LRRN2: variants seen among roughly 807,000 people sequenced by gnomAD.
LRRN2 encodes leucine-rich repeat neuronal protein 2.
LRRN2 carries 10 observed loss-of-function variants against 35.7 expected under a neutral mutation model. The observed-to-expected ratio is 0.28, with a 90% CI of 0.17 to 0.47. The LOEUF (loss-of-function observed/expected upper bound fraction) is 0.47. LRRN2 is among the 20% of genes least tolerant of loss of function. The pLI, the probability that LRRN2 is intolerant of heterozygous loss-of-function variation, is 0.99. For synonymous variants in LRRN2, 391 were observed against 409.6 expected (o/e 0.95, Z 0.55); for missense variants, 731 against 940.3 (o/e 0.78, Z 2.91).
intron 1 of LRRN2, chr1:204,627,185 C>T (rs1417046554): frequency 1.3e-5 from 2 of 152,198 alleles, no homozygotes; most frequent in Admixed American, 6.5e-5. Flanking sequence ...GAGGGACATA[C>T]TTTTCAGATG....
At chr1:204,675,426 G>T (rs1668803653) in intron 1 of LRRN2, among the ~76,000 whole-genome samples, 1 of 152,196 alleles carries the variant, frequency 6.6e-6, no homozygotes, top group Non-Finnish European at 1.5e-5. Flanking sequence ...TCTTTCTGGA[G>T]GCTGGAGGAG....
At chr1:204,645,530 G>A (rs1461888546) in intron 1 of LRRN2, among the ~76,000 whole-genome samples, 1 of 152,162 alleles carries the variant, frequency 6.6e-6, no homozygotes, top group African/African-American at 2.4e-5. Flanking sequence ...ATGTGTGATT[G>A]CATGCGGAAT....
At position 204,641,598 on chromosome 1, in the gene LRRN2, GTATTA is replaced by G. The variant is rs537880380; in HGVS notation, c.-226-21385_-226-21381del. Among the ~76,000 whole-genome samples the G allele has an allele frequency of 2.4e-3, 366 of 152,324 alleles. 3 individuals carry two copies. The highest frequency in any genetic ancestry group is 8.1e-3 in the African/African-American group (338 of 41,568). On this transcript the variant is annotated intron_variant, in intron 1 of 1. Transcript: ENST00000367177. ...TCCACACAACAACCCTACGAGAGTA[GTATTA>G]TATTTACTGATGGTGAAATGGAGGC...
Position 204,660,318 on chromosome 1 carries a change from G to C in LRRN2, c.-227+25002C>G, listed in dbSNP as rs543997817. 3.3e-5 allele frequency among the ~76,000 whole-genome samples: 5 copies of C among 152,164 alleles called. No homozygotes were observed. The South Asian group carries it at 8.3e-4, about 25-fold the overall frequency. On this transcript the variant is annotated intron_variant, in intron 1 of 1. Coordinates refer to ENST00000367177, the MANE Select transcript of LRRN2 (RefSeq NM_201630.2). ...GTCTCCATCTCCCCTTGCCTTTTCT[G>C]TTGTCATCCCCATCATCTCACTTTC...
At chr1:204,647,301 T>C (rs1330803231) in intron 1 of LRRN2, among the ~76,000 whole-genome samples, 1 of 152,218 alleles carries the variant, frequency 6.6e-6, no homozygotes, top group Non-Finnish European at 1.5e-5. Context: ...AAAAGATGCA[T>C]TCCACAGTAT....
intron 1 of LRRN2, among the ~76,000 whole-genome samples, chr1:204,656,156 G>C (rs543153787): frequency 2.6e-5 from 4 of 151,718 alleles, no homozygotes; most frequent in African/African-American, 7.3e-5. Context: ...TGATCTGCCC[G>C]CCTCAGCCTC....
intron 1 of LRRN2, among the ~76,000 whole-genome samples, chr1:204,679,861 A>AC (rs760978943): frequency 1.3e-5 from 2 of 151,928 alleles, no homozygotes; most frequent in Non-Finnish European, 2.9e-5. Context: ...TAAATATCAC[A>AC]CCCTGCAGGA....
At chr1:204,628,195 G>C (rs1462975239) in intron 1 of LRRN2, 1 of 152,312 alleles carries the variant, frequency 6.6e-6, no homozygotes, top group African/African-American at 2.4e-5. Flanking sequence ...CTGGCCCCCA[G>C]GTGAAGAGAG....
Position 204,618,666 on chromosome 1 carries a change from G to A in LRRN2, c.1327C>T (p.Leu443=), listed in dbSNP as rs1206459201. 6.2e-7 allele frequency: 1 copy of A among 1,605,266 alleles called. No homozygotes were observed. Among genetic ancestry groups the A allele is most frequent in the African/African-American group, 1.3e-5 (1 of 74,890 alleles). Residue 443 remains leucine, a synonymous_variant, in exon 2 of 2, where the codon CTG becomes TTG. Transcript: ENST00000367177. ...LQVASGESMV[L]HCRALAEPEP... ...GGTTCGGCCAGTGCCCGGCAATGCA[G>A]CACCATGCTCTCTCCACTGGCTACC...
chr1:204,679,058 C>T (rs1558425039), intron 1 of LRRN2, among the ~76,000 whole-genome samples: 1 of 152,152 alleles, frequency 6.6e-6, no homozygotes, highest in South Asian at 2.1e-4. Context: ...TGGTGGCGCT[C>T]GAGATGGGCA....
At chr1:204,656,137 C>A (rs899545740) in intron 1 of LRRN2, among the ~76,000 whole-genome samples, 1 of 151,906 alleles carries the variant, frequency 6.6e-6, no homozygotes, top group African/African-American at 2.4e-5. Flanking sequence ...TCTCGATCTC[C>A]TGACCTCATG....
At chr1:204,653,803 A>C (rs1272103376) in intron 1 of LRRN2, among the ~76,000 whole-genome samples, 1 of 150,490 alleles carries the variant, frequency 6.6e-6, no homozygotes, top group Non-Finnish European at 1.5e-5. Flanking sequence ...TCAAGGCTAC[A>C]GTGAGTTAGG....
chr1:204,663,606 A>G (rs1668514681), intron 1 of LRRN2, among the ~76,000 whole-genome samples: 1 of 152,174 alleles, frequency 6.6e-6, no homozygotes, highest in Non-Finnish European at 1.5e-5. Flanking sequence ...CACATTGTCC[A>G]AGTCAGACCT....
chr1:204,638,746 T>C (rs12024827), intron 1 of LRRN2, among the ~76,000 whole-genome samples: 81,977 of 152,054 alleles, frequency 0.54, 23,484 homozygotes, highest in East Asian at 0.68. Flanking sequence ...GAAGCAATCC[T>C]AGACTTGCCA....
At chr1:204,670,973 G>A (rs1458372891) in intron 1 of LRRN2, among the ~76,000 whole-genome samples, 1 of 152,180 alleles carries the variant, frequency 6.6e-6, no homozygotes, top group Non-Finnish European at 1.5e-5. Context: ...GAAGGTTTTT[G>A]TTGTTGTTTT....
intron 1 of LRRN2, among the ~76,000 whole-genome samples, chr1:204,677,834 G>A (rs77054832): frequency 3.5e-4 from 53 of 152,268 alleles, no homozygotes; most frequent in Admixed American, 1.1e-3. Flanking sequence ...GTGGCTTTCC[G>A]TGTCTCTGGA....
chr1:204,654,911 C>T (rs183233498), intron 1 of LRRN2, among the ~76,000 whole-genome samples: 13 of 152,346 alleles, frequency 8.5e-5, no homozygotes, highest in Admixed American at 3.9e-4. Context: ...TTGCCACCCC[C>T]CCAGCACAAC....
intron 1 of LRRN2, among the ~76,000 whole-genome samples, chr1:204,653,025 G>A (rs752199216): frequency 6.6e-5 from 10 of 152,150 alleles, no homozygotes; most frequent in African/African-American, 1.4e-4. Context: ...GAGCTTCTGC[G>A]GAAGGGACCT....
rs143734517 is a variant in LRRN2 at position 204,638,166 on chromosome 1, A to G, written c.-226-17948T>C. Among the ~76,000 whole-genome samples, 687 of 139,278 alleles carry G rather than the reference A, an allele frequency of 4.9e-3. 5 individuals carry two copies. Among genetic ancestry groups the G allele is most frequent in the Middle Eastern group, 0.033 (8 of 242 alleles). 91.4% of individuals were successfully genotyped at this position (139,278 alleles called of 152,430 possible). A position where few individuals can be genotyped will look rare whatever the true frequency, so the allele number is the denominator to read the frequency against. On this transcript the variant is annotated intron_variant, in intron 1 of 1. Transcript: ENST00000367177. ...GCCTGCAGGCAGAGGCCTGGGGAATATAATCACCAGCACTGATCTCACGCA... is the reference window on the plus strand; with the variant it reads ...GCCTGCAGGCAGAGGCCTGGGGAATGTAATCACCAGCACTGATCTCACGCA...
Sources: allele counts gnomAD v4.1 joint callset (sites outside exome capture counted in the v4.1 genomes callset), GRCh38; gene constraint gnomAD v4.1.1; transcripts MANE v1.5; gene names NCBI Gene and HGNC (gene_info 2026-07-23, HGNC 2026-07-21).